Variants in NPAS3 observed in about 807,000 individuals in gnomAD.
NPAS3 encodes the protein neuronal PAS domain protein 3, also known as neuronal PAS domain-containing protein 3.
Under a neutral mutation model 73.1 loss-of-function variants are expected in NPAS3, and 14 were observed. The ratio of observed to expected loss-of-function variants is 0.19; its 90% CI spans 0.13 to 0.30. The LOEUF (loss-of-function observed/expected upper bound fraction) is 0.30, where lower values mean the gene tolerates loss of function less well. Ranked by LOEUF, NPAS3 falls within the 10% of genes least tolerant of loss-of-function variation. The pLI is 1.00. For missense variants in NPAS3, 1,096 were observed against 1,250.0 expected, an observed-to-expected ratio of 0.88 and a Z score of 1.86; for synonymous variants, 620 against 541.5, an observed-to-expected ratio of 1.14 and a Z score of -2.01.
In NPAS3 at chr14:33,497,452, T is replaced by C. The variant is rs187822028; in HGVS notation, c.469-62669T>C. Reference sequence around the variant, plus strand: ...CATGCTACCTGACTTCAAACTATACTACAAGGCTACAGTAACCAAAACGGC... The same window carrying C: ...CATGCTACCTGACTTCAAACTATACCACAAGGCTACAGTAACCAAAACGGC... On this transcript the variant is annotated intron_variant, in intron 4 of 11. Coordinates refer to ENST00000356141, the Ensembl canonical transcript of NPAS3. 1.2e-4 allele frequency among the ~76,000 whole-genome samples: 19 copies of C among 152,142 alleles called. 1 individual carries two copies. Among genetic ancestry groups the C allele is most frequent in the African/African-American group, 4.6e-4 (19 of 41,502 alleles).
At chr14:33,795,405 A>C (rs7154790) in intron 10 of NPAS3, among the ~76,000 whole-genome samples, 6,583 of 152,222 alleles carry the variant, frequency 0.043, 491 homozygotes, top group African/African-American at 0.15. Flanking sequence ...GATATCAAGG[A>C]ATCCTTGTAC....
chr14:33,672,405 T>A (rs756027245), intron 5 of NPAS3, among the ~76,000 whole-genome samples: 19 of 152,190 alleles, frequency 1.2e-4, no homozygotes, highest in Admixed American at 2.6e-4. Flanking sequence ...CAAATATCCG[T>A]TCTTTATTCA....
chr14:33,068,623 C>T (rs2041363885), intron 2 of NPAS3, among the ~76,000 whole-genome samples: 1 of 152,116 alleles, frequency 6.6e-6, no homozygotes, highest in South Asian at 2.1e-4. Context: ...TGTTACATGG[C>T]AGTCAGTGCA....
intron 3 of NPAS3, among the ~76,000 whole-genome samples, chr14:33,304,245 A>G (rs1325866104): frequency 6.6e-6 from 1 of 152,188 alleles, no homozygotes; most frequent in Non-Finnish European, 1.5e-5. Flanking sequence ...AACTATTTGT[A>G]ATAGTCCATG....
At chr14:33,724,766 T>C (rs944605505) in intron 6 of NPAS3, among the ~76,000 whole-genome samples, 1 of 151,778 alleles carries the variant, frequency 6.6e-6, no homozygotes, top group Non-Finnish European at 1.5e-5. Flanking sequence ...AAAAAACAAA[T>C]CTTTAAAGGT....
At chr14:33,674,851 T>C (rs2059714226) in intron 5 of NPAS3, among the ~76,000 whole-genome samples, 1 of 152,186 alleles carries the variant, frequency 6.6e-6, no homozygotes, top group Non-Finnish European at 1.5e-5. Context: ...AAGATGTTAA[T>C]CAAATGGAGT....
intron 3 of NPAS3, among the ~76,000 whole-genome samples, chr14:33,240,677 C>T (rs758015828): frequency 2.6e-5 from 4 of 151,850 alleles, no homozygotes; most frequent in Admixed American, 1.3e-4. Flanking sequence ...GACCACATCG[C>T]TCCCTTTCAT....
Position 33,688,617 on chromosome 14 carries a change from G to A in NPAS3, c.733+12232G>A, listed in dbSNP as rs563201605. 2.0e-5 allele frequency among the ~76,000 whole-genome samples: 3 copies of A among 152,294 alleles called. No individual in the cohort carries two copies. In the South Asian group the frequency reaches 6.2e-4, roughly 32 times the overall value. On this transcript the variant is annotated intron_variant, in intron 6 of 11. Coordinates refer to ENST00000356141, the Ensembl canonical transcript of NPAS3. ...AAGGTTTCTCATCAGACCTCAGGGT[G>A]TACTTCAAGCTTTCCCAAAAGTGAG... is the stretch of plus-strand genomic sequence containing the variant.
chr14:33,248,411 ATTTTT>A (rs772342449), intron 3 of NPAS3, among the ~76,000 whole-genome samples: 107 of 152,290 alleles, frequency 7.0e-4, no homozygotes, highest in Non-Finnish European at 1.2e-3. Flanking sequence ...TGAAATGTAT[ATTTTT>A]ATTCCAGTGT....
rs149407422 is a variant in NPAS3 at position 33,755,203 on chromosome 14, C to T, written c.853-19134C>T. 4.8e-4 allele frequency among the ~76,000 whole-genome samples: 73 copies of T among 152,302 alleles called. 1 individual carries two copies. The highest frequency in any genetic ancestry group is 1.6e-3 in the African/African-American group (68 of 41,552). On this transcript the variant is annotated intron_variant, in intron 7 of 11. Coordinates refer to ENST00000356141, the Ensembl canonical transcript of NPAS3. ...GTAAGATAATATGAGTGAAAATATT[C>T]TGTAAACTCTAAGTGACTGTGAATA...
intron 1 of NPAS3, among the ~76,000 whole-genome samples, chr14:32,972,358 G>C (rs2037471378): frequency 6.6e-6 from 1 of 152,176 alleles, no homozygotes; most frequent in Non-Finnish European, 1.5e-5. Context: ...ATTAAGGAAT[G>C]AATGTAAGAT....
chr14:33,257,192 C>G (rs542374687), intron 3 of NPAS3, among the ~76,000 whole-genome samples: 1 of 152,200 alleles, frequency 6.6e-6, no homozygotes, highest in Non-Finnish European at 1.5e-5. Context: ...CTCCCAGAAA[C>G]TGATGGTGCC....
rs1888042 is a variant in NPAS3 at position 33,557,435 on chromosome 14, G to A, written c.469-2686G>A. ...TTGTTTGAACACAAATTGTTCAAAA[G>A]CAAGGGGTGATGTTTAAGATGTACA... On this transcript the variant is annotated intron_variant, in intron 4 of 11. Coordinates refer to ENST00000356141, the Ensembl canonical transcript of NPAS3. 9.3e-3 allele frequency among the ~76,000 whole-genome samples: 1,419 copies of A among 152,326 alleles called. 24 individuals are homozygous for A. The highest frequency in any genetic ancestry group is 0.031 in the African/African-American group (1,277 of 41,578).
chr14:33,405,971 AT>A (rs1188863295), intron 4 of NPAS3, among the ~76,000 whole-genome samples: 3 of 151,760 alleles, frequency 2.0e-5, no homozygotes, highest in Admixed American at 6.6e-5. Flanking sequence ...AAGCGGTTAA[AT>A]TTTTTTTTAA....
At chr14:33,307,289 A>G (rs1343177692) in intron 3 of NPAS3, among the ~76,000 whole-genome samples, 2 of 152,224 alleles carry the variant, frequency 1.3e-5, no homozygotes, top group Non-Finnish European at 2.9e-5. Flanking sequence ...CCTCTTTGCC[A>G]GAGAATTTAC....
chr14:33,714,944 G>T (rs1424052021), intron 6 of NPAS3, among the ~76,000 whole-genome samples: 1 of 152,152 alleles, frequency 6.6e-6, no homozygotes, highest in East Asian at 1.9e-4. Flanking sequence ...TGTAAAGCTG[G>T]CAGTTATGAC....
At chr14:33,088,538 A>C (rs1426316827) in intron 2 of NPAS3, among the ~76,000 whole-genome samples, 1 of 152,214 alleles carries the variant, frequency 6.6e-6, no homozygotes, top group Non-Finnish European at 1.5e-5. Context: ...CAAAGCGGCC[A>C]GGAAACTCGA....
chr14:33,464,565 G>A (rs2050422489), intron 4 of NPAS3, among the ~76,000 whole-genome samples: 1 of 152,136 alleles, frequency 6.6e-6, no homozygotes, highest in Non-Finnish European at 1.5e-5. Flanking sequence ...TCCAAATGCG[G>A]TCCCTGACCC....
intron 4 of NPAS3, among the ~76,000 whole-genome samples, chr14:33,429,677 A>G (rs1188293582): frequency 6.6e-6 from 1 of 152,132 alleles, no homozygotes; most frequent in Admixed American, 6.6e-5. Context: ...GAAGCACCAT[A>G]TTTATGGATG....
Sources: allele counts gnomAD v4.1 joint callset (sites outside exome capture counted in the v4.1 genomes callset), GRCh38; gene constraint gnomAD v4.1.1; transcripts MANE v1.5; gene names NCBI Gene and HGNC (gene_info 2026-07-23, HGNC 2026-07-21).